ZNF536: variants seen among roughly 807,000 people sequenced by gnomAD.
ZNF536 encodes the protein zinc finger protein 536.
Under a neutral mutation model 84.5 loss-of-function variants are expected in ZNF536, and 13 were observed. The observed-to-expected ratio is 0.15, with a 90% confidence interval of 0.10 to 0.24. ZNF536 has a LOEUF of 0.24. ZNF536 is among the 10% of genes least tolerant of loss of function. The pLI is 1.00. For synonymous variants in ZNF536, 811 were observed against 742.5 expected, an observed-to-expected ratio of 1.09 and a Z score of -1.50; for missense variants, 1,536 against 1,747.5, an observed-to-expected ratio of 0.88 and a Z score of 2.16.
In ZNF536 at chr19:30,506,038, C is replaced by A. The variant is rs926322906; in HGVS notation, c.2171-28809C>A. ...ATTTTCTTTAATTTTGTTACTTTAT[C>A]TTTATAAATAATATAAATATTATTT... On this transcript the variant is annotated intron_variant, in intron 2 of 4. Coordinates refer to ENST00000355537, the MANE Select transcript of ZNF536 (RefSeq NM_014717.3). Among the ~76,000 whole-genome samples, 30 of 150,776 alleles carry A rather than the reference C, an allele frequency of 2.0e-4. 3 individuals are homozygous for A. In the South Asian group the frequency reaches 6.1e-3, roughly 30 times the overall value.
intron 2 of ZNF536, among the ~76,000 whole-genome samples, chr19:30,492,336 A>T (rs567568861): frequency 6.6e-6 from 1 of 152,216 alleles, no homozygotes; most frequent in South Asian, 2.1e-4. Context: ...TTGGGCTCTG[A>T]TCTTTGTTAG....
chr19:30,643,550 A>C (rs916823967), intron 1 of ZNF536, among the ~76,000 whole-genome samples: 1 of 152,126 alleles, frequency 6.6e-6, no homozygotes, highest in Non-Finnish European at 1.5e-5. Flanking sequence ...ATTCTCAATG[A>C]CTGATTTCAA....
At chr19:30,682,657 A>T (rs2051022938) in intron 1 of ZNF536, among the ~76,000 whole-genome samples, 2 of 152,168 alleles carry the variant, frequency 1.3e-5, no homozygotes, top group Admixed American at 6.5e-5. Context: ...ATCTGCAGAG[A>T]TGGTGTCGTT....
intron 1 of ZNF536, among the ~76,000 whole-genome samples, chr19:30,404,037 T>C (rs545537097): frequency 5.6e-4 from 85 of 151,216 alleles, no homozygotes; most frequent in African/African-American, 1.9e-3. Context: ...TTTTTTTTTT[T>C]TTCTGCTGTT....
At chr19:30,369,050 C>G (rs1042164024), upstream of ZNF536, among the ~76,000 whole-genome samples, 1 of 152,168 alleles carries the variant, frequency 6.6e-6, no homozygotes, top group Non-Finnish European at 1.5e-5. Flanking sequence ...CAACTCGTCT[C>G]CCTCCAACTG....
chr19:30,338,041 T>C (rs2047438364), intron 2 of ZNF536, among the ~76,000 whole-genome samples: 1 of 150,696 alleles, frequency 6.6e-6, no homozygotes, highest in Non-Finnish European at 1.5e-5. Context: ...ATGACAGTGG[T>C]GATGATGGTG....
At chr19:30,377,561 A>C (rs1402583252) in intron 1 of ZNF536, among the ~76,000 whole-genome samples, 2 of 152,138 alleles carry the variant, frequency 1.3e-5, no homozygotes, top group Non-Finnish European at 2.9e-5. Context: ...TAAGAAAAGG[A>C]ATGAGTCCAC....
intron 3 of ZNF536, among the ~76,000 whole-genome samples, chr19:30,537,957 C>A (rs2045160041): frequency 6.6e-6 from 1 of 152,186 alleles, no homozygotes. Context: ...AACAAAGAAG[C>A]TGGAAAATGC....
intron 1 of ZNF536, among the ~76,000 whole-genome samples, chr19:30,602,573 T>A (rs2047727816): frequency 6.6e-6 from 1 of 152,232 alleles, no homozygotes; most frequent in Non-Finnish European, 1.5e-5. Flanking sequence ...AAGTCAGTGA[T>A]GCCGAAAGCT....
At chr19:30,553,820 A>G (rs2045868988) in intron 4 of ZNF536, 1 of 152,070 alleles carries the variant, frequency 6.6e-6, no homozygotes, top group East Asian at 1.9e-4. Flanking sequence ...ACAGAGTGAA[A>G]CCCCTTCTGT....
chr19:30,529,890 CCA>C (rs2044735024), intron 2 of ZNF536, among the ~76,000 whole-genome samples: 1 of 152,186 alleles, frequency 6.6e-6, no homozygotes, highest in South Asian at 2.1e-4. Context: ...TGCAAGGCAC[CCA>C]CATCTGAAGA....
chr19:30,645,060 C>T (rs2049411991), intron 1 of ZNF536, among the ~76,000 whole-genome samples: 1 of 152,212 alleles, frequency 6.6e-6, no homozygotes, highest in African/African-American at 2.4e-5. Flanking sequence ...GATGGTCGTT[C>T]TAACTGGTGT....
intron 1 of ZNF536, among the ~76,000 whole-genome samples, chr19:30,420,172 G>A (rs2050894008): frequency 6.6e-6 from 1 of 152,222 alleles, no homozygotes; most frequent in African/African-American, 2.4e-5. Context: ...TAATGTTTGT[G>A]CTCATGGGCC....
At chr19:30,584,278 G>A (rs2047021339) in intron 1 of ZNF536, among the ~76,000 whole-genome samples, 1 of 152,150 alleles carries the variant, frequency 6.6e-6, no homozygotes, top group African/African-American at 2.4e-5. Context: ...CCTGCTCCTT[G>A]TGGGACTCAG....
intron 1 of ZNF536, among the ~76,000 whole-genome samples, chr19:30,405,825 T>G (rs1484710459): frequency 2.6e-5 from 4 of 152,088 alleles, no homozygotes; most frequent in Admixed American, 2.0e-4. Flanking sequence ...TATCCCAGGT[T>G]GGAGTGCACT....
intron 2 of ZNF536, among the ~76,000 whole-genome samples, chr19:30,514,841 C>G (rs1389617535): frequency 6.6e-6 from 1 of 152,104 alleles, no homozygotes; most frequent in African/African-American, 2.4e-5. Context: ...AGCTCAGTAT[C>G]AGGAATCCAG....
At chr19:30,610,849 C>A (rs935183733) in intron 1 of ZNF536, among the ~76,000 whole-genome samples, 4 of 152,142 alleles carry the variant, frequency 2.6e-5, no homozygotes, top group African/African-American at 9.7e-5. Flanking sequence ...GAATAGCATG[C>A]CCATGTTCAT....
chr19:30,605,723 G>A (rs948917080), intron 1 of ZNF536, among the ~76,000 whole-genome samples: 1 of 152,062 alleles, frequency 6.6e-6, no homozygotes, highest in Non-Finnish European at 1.5e-5. Flanking sequence ...TTCCTGGATC[G>A]AATGGTGGAT....
At chr19:30,443,009 C>A (rs2052126705) in intron 1 of ZNF536, among the ~76,000 whole-genome samples, 1 of 150,084 alleles carries the variant, frequency 6.7e-6, no homozygotes, top group Admixed American at 6.6e-5. Context: ...TATTATGTAC[C>A]AGTAAATATC....
Sources: gnomAD v4.1 joint callset for allele counts (sites outside exome capture counted in the v4.1 genomes callset) on GRCh38, gnomAD v4.1.1 for gene constraint, MANE v1.5 for transcripts, NCBI Gene and HGNC (gene_info 2026-07-23, HGNC 2026-07-21) for gene names.